Variants in SPAG17 observed in about 807,000 individuals in gnomAD.
SPAG17 encodes the protein sperm-associated antigen 17.
SPAG17 carries 169 observed loss-of-function variants against 273.6 expected under a neutral mutation model. The ratio of observed to expected loss-of-function variants is 0.62; its 90% CI spans 0.55 to 0.70. SPAG17 has a LOEUF of 0.70. Among genes scored for constraint, SPAG17 ranks in the 30% least tolerant of loss-of-function variants. SPAG17 has a pLI of 0.00. For missense variants in SPAG17, 2,557 were observed against 2,627.8 expected, an observed-to-expected ratio of 0.97 and a Z score of 0.59; for synonymous variants, 825 against 873.2, an observed-to-expected ratio of 0.94 and a Z score of 0.97.
intron 18 of SPAG17, among the ~76,000 whole-genome samples, chr1:118,056,622 T>C (rs1483853633): frequency 6.6e-6 from 1 of 152,232 alleles, no homozygotes; most frequent in Non-Finnish European, 1.5e-5. Context: ...AAGATTTAAA[T>C]TTGACAATAA....
rs1653419871 is a variant in SPAG17, at chr1:117,963,682, C to T, written c.*117G>A. The T allele has an allele frequency of 8.5e-6, 8 of 942,594 alleles. No homozygotes were observed. The East Asian group carries it at 2.1e-4, about 25-fold the overall frequency. 58.4% of individuals were successfully genotyped at this position (942,594 alleles called of 1,614,324 possible). A position where few individuals can be genotyped will look rare whatever the true frequency, so the allele number is the denominator to read the frequency against. On this transcript the variant is annotated intron_variant, in intron 48 of 48. Transcript: ENST00000336338. ...CCCGGCCTAAACAAATATTTTCATT[C>T]ATTCAGGCCAGGTGGCTTATAGGTT... is the stretch of plus-strand genomic sequence containing the variant.
intron 18 of SPAG17, among the ~76,000 whole-genome samples, chr1:118,059,736 T>C (rs1652082657): frequency 6.6e-6 from 1 of 152,138 alleles, no homozygotes; most frequent in Non-Finnish European, 1.5e-5. Context: ...GCCTATTTCA[T>C]ATGATATAAG....
intron 23 of SPAG17, among the ~76,000 whole-genome samples, chr1:118,039,090 T>C (rs1434875311): frequency 6.6e-6 from 1 of 151,998 alleles, no homozygotes; most frequent in African/African-American, 2.4e-5. Flanking sequence ...AAAAATAAAG[T>C]CTGGTAAAGA....
intron 48 of SPAG17, chr1:117,959,309 T>C (rs751358041): frequency 6.2e-7 from 1 of 1,611,520 alleles, no homozygotes; most frequent in Non-Finnish European, 8.5e-7. Flanking sequence ...TCGGCTTCAA[T>C]ATGGCTGGTC....
chr1:117,958,446 G>A (rs368707514), intron 48 of SPAG17, among the ~76,000 whole-genome samples: 12 of 152,186 alleles, frequency 7.9e-5, no homozygotes, highest in East Asian at 7.7e-4. Context: ...TTATGGATGG[G>A]TACTACCTGA....
chr1:118,007,594 C>G (rs1659029573), intron 31 of SPAG17, among the ~76,000 whole-genome samples: 1 of 152,180 alleles, frequency 6.6e-6, no homozygotes, highest in African/African-American at 2.4e-5. Context: ...AGGGACCACA[C>G]ACACCATGTG....
intron 6 of SPAG17, 126 bp from the exon 7 acceptor site, chr1:118,097,977 A>G (rs766537936): frequency 1.9e-6 from 1 of 519,672 alleles, no homozygotes; most frequent in Non-Finnish European, 3.1e-6. Flanking sequence ...AAATAAAGGA[A>G]TGTAATTTTG....
intron 3 of SPAG17, among the ~76,000 whole-genome samples, chr1:118,123,456 A>C (rs1657531047): frequency 6.6e-6 from 1 of 152,206 alleles, no homozygotes; most frequent in East Asian, 1.9e-4. Context: ...AAAATAAGCA[A>C]TATTAAACTG....
intron 3 of SPAG17, among the ~76,000 whole-genome samples, chr1:118,119,071 G>T (rs1289233156): frequency 6.6e-6 from 1 of 152,102 alleles, no homozygotes; most frequent in Non-Finnish European, 1.5e-5. Context: ...GCTTAGAATT[G>T]CCCTAGGCGC....
At chr1:118,071,882 G>A (rs1653630016) in intron 17 of SPAG17, among the ~76,000 whole-genome samples, 1 of 152,062 alleles carries the variant, frequency 6.6e-6, no homozygotes, top group African/African-American at 2.4e-5. Context: ...AAAAAGGACA[G>A]AGAAAATGGA....
intron 1 of SPAG17, among the ~76,000 whole-genome samples, chr1:118,172,719 C>T (rs918598554): frequency 2.2e-4 from 34 of 152,216 alleles, no homozygotes; most frequent in African/African-American, 8.2e-4. Context: ...AAAAAATTTA[C>T]GTCTGGTCTA....
At chr1:118,002,193 T>C (rs184030015) in intron 32 of SPAG17, among the ~76,000 whole-genome samples, 26 of 152,336 alleles carry the variant, frequency 1.7e-4, no homozygotes, top group Non-Finnish European at 2.9e-4. Context: ...AGAGACAGTT[T>C]GTTGTGATTT....
intron 48 of SPAG17, among the ~76,000 whole-genome samples, chr1:117,957,792 A>G (rs1652438434): frequency 6.6e-6 from 1 of 152,186 alleles, no homozygotes; most frequent in Non-Finnish European, 1.5e-5. Flanking sequence ...AAAAGGATGG[A>G]CATTCCTGTT....
At chr1:118,077,024 T>G (rs1241102602) in intron 15 of SPAG17, among the ~76,000 whole-genome samples, 1 of 152,120 alleles carries the variant, frequency 6.6e-6, no homozygotes, top group Non-Finnish European at 1.5e-5. Context: ...CAGATGGAAA[T>G]CCAGTATTTG....
intron 28 of SPAG17, among the ~76,000 whole-genome samples, chr1:118,019,033 C>CAAAAA (rs10629525): frequency 7.3e-5 from 7 of 95,880 alleles, no homozygotes; most frequent in South Asian, 4.0e-4. Flanking sequence ...GACCATGTCT[C>CAAAAA]AAAAAAAAAA....
intron 1 of SPAG17, among the ~76,000 whole-genome samples, chr1:118,173,572 G>A (rs1362790822): frequency 3.3e-5 from 5 of 152,066 alleles, no homozygotes; most frequent in Admixed American, 6.6e-5. Context: ...TATGGGCAGA[G>A]GAATACAACG....
intron 40 of SPAG17, among the ~76,000 whole-genome samples, chr1:117,986,830 T>A (rs1656466554): frequency 6.6e-6 from 1 of 152,192 alleles, no homozygotes; most frequent in Non-Finnish European, 1.5e-5. Context: ...GGAAATTTAC[T>A]CTCACCTTCC....
chr1:118,161,676 T>C (rs1290998082), intron 1 of SPAG17, among the ~76,000 whole-genome samples: 6 of 152,150 alleles, frequency 3.9e-5, no homozygotes, highest in Non-Finnish European at 8.8e-5. Context: ...TAGCTGGGAC[T>C]ACAGGCGCCC....
At chr1:118,142,294 C>T (rs1294231354) in intron 3 of SPAG17, among the ~76,000 whole-genome samples, 1 of 152,034 alleles carries the variant, frequency 6.6e-6, no homozygotes, top group Admixed American at 6.6e-5. Flanking sequence ...AACAGAAAAT[C>T]GAACAGTGGT....
Sources: allele counts gnomAD v4.1 joint callset (sites outside exome capture counted in the v4.1 genomes callset), GRCh38; gene constraint gnomAD v4.1.1; transcripts MANE v1.5; gene names NCBI Gene and HGNC (gene_info 2026-07-23, HGNC 2026-07-21).